MLC1: variants seen among roughly 807,000 people sequenced by gnomAD.
The protein encoded by MLC1 is modulator of VRAC current 1, also known as membrane protein MLC1.
In MLC1, 32 loss-of-function variants were observed where a neutral mutation model predicts 44.7. The observed-to-expected ratio is 0.72, with a 90% confidence interval of 0.54 to 0.96. The LOEUF (loss-of-function observed/expected upper bound fraction) is 0.96. Ranked by LOEUF, MLC1 falls within the 40% of genes least tolerant of loss-of-function variation. The probability of loss-of-function intolerance (pLI) is 0.00; values close to 1 mark genes in which losing one functional copy is unlikely to be tolerated. For missense variants in MLC1, 459 were observed against 492.2 expected (o/e 0.93, Z 0.64); for synonymous variants, 190 against 213.0 (o/e 0.89, Z 0.94).
chr22:50,064,383 T>C lies in MLC1; in HGVS notation c.895-185A>G, dbSNP rs139121589. On this transcript the variant is annotated intron_variant, in intron 10 of 11. Coordinates refer to ENST00000311597, the MANE Select transcript of MLC1 (RefSeq NM_015166.4). The stretch of plus-strand genomic sequence containing the variant: ...AATCATTCTAGCTCAATTAATGAGG[T>C]CAATTCTGCTTTAAATTCCATCAGC... Among the ~76,000 whole-genome samples the C allele has an allele frequency of 7.1e-3, 1,085 of 152,244 alleles. 12 individuals carry two copies. Among genetic ancestry groups the C allele is most frequent in the African/African-American group, 0.025 (1,030 of 41,532 alleles).
chr22:50,061,516 T>C lies in MLC1; in HGVS notation c.*67A>G. The C allele has an allele frequency of 6.7e-7, 1 of 1,496,414 alleles. No homozygotes were observed. The highest frequency in any genetic ancestry group is 9.3e-7 in the Non-Finnish European group (1 of 1,077,566). The allele number at this position is 1,496,414 out of a possible 1,614,324, so 92.7% of individuals were successfully genotyped here. On this transcript the variant is annotated 3_prime_UTR_variant, in exon 12 of 12. Transcript: ENST00000311597. ...GTTAGAAGCAGTAGCTCAGGGCGATTAGGGGTTGTGCGTTTCCATGCTTGG... is the reference window on the plus strand; with the variant it reads ...GTTAGAAGCAGTAGCTCAGGGCGATCAGGGGTTGTGCGTTTCCATGCTTGG...
At chr22:50,071,876 A>AG (rs749835301) in intron 8 of MLC1, among the ~76,000 whole-genome samples, 1 of 151,950 alleles carries the variant, frequency 6.6e-6, no homozygotes, top group African/African-American at 2.4e-5. Flanking sequence ...CCTGCTGGGG[A>AG]GGGGGCTGCA....
chr22:50,080,205 G>T, intron 4 of MLC1, 139 bp downstream of exon 4: 1 of 1,214,484 alleles, frequency 8.2e-7, no homozygotes, highest in Non-Finnish European at 1.2e-6. Flanking sequence ...GAGCTTTACT[G>T]TCTGGGGGGC....
intron 2 of MLC1, among the ~76,000 whole-genome samples, chr22:50,084,150 G>A (rs1315308268): frequency 1.3e-5 from 2 of 152,290 alleles, no homozygotes; most frequent in East Asian, 3.9e-4. Flanking sequence ...CTGAGCAGCT[G>A]CACACACTCA....
At chr22:50,076,808 G>T in intron 7 of MLC1, 33 bp downstream of exon 7, 3 of 1,603,294 alleles carry the variant, frequency 1.9e-6, no homozygotes, top group South Asian at 1.1e-5. Context: ...GACAGAGTAT[G>T]AGAGAAAAGA....
At position 50,064,206 on chromosome 22, in the gene MLC1, C is replaced by T. The variant is rs574334440; in HGVS notation, c.895-8G>A. 1.4e-5 allele frequency: 23 copies of T among 1,589,352 alleles called. No homozygotes were observed. Among genetic ancestry groups the T allele is most frequent in the East Asian group, 9.0e-5 (4 of 44,584 alleles). On this transcript the variant is annotated splice_region_variant and splice_polypyrimidine_tract_variant and intron_variant, in intron 10 of 11. Coordinates refer to ENST00000311597, the MANE Select transcript of MLC1 (RefSeq NM_015166.4). ...CAGCACATCGTAGGATGGCTGCAGGCGGAAGGAGGTGTGAGCAGAGTGGCC... is the reference window on the plus strand; with the variant it reads ...CAGCACATCGTAGGATGGCTGCAGGTGGAAGGAGGTGTGAGCAGAGTGGCC...
At chr22:50,080,536 T>C (rs2062096686) in intron 3 of MLC1, 139 bp from the exon 4 acceptor site, 1 of 925,942 alleles carries the variant, frequency 1.1e-6, no homozygotes, top group South Asian at 1.4e-5. Flanking sequence ...ACACAGTGGG[T>C]TGGCTTGACT....
intron 9 of MLC1, among the ~76,000 whole-genome samples, chr22:50,069,564 T>G (rs1207300558): frequency 6.6e-6 from 1 of 151,988 alleles, no homozygotes; most frequent in Non-Finnish European, 1.5e-5. Context: ...GAGAATCGCT[T>G]GAACCCGGGA....
chr22:50,064,284 C>T (rs1331738978), intron 10 of MLC1, 86 bp from the exon 11 acceptor site: 1 of 1,505,168 alleles, frequency 6.6e-7, no homozygotes, highest in African/African-American at 1.4e-5. Flanking sequence ...ACGGCCTTCA[C>T]AAAGAGCAGG....
intron 10 of MLC1, among the ~76,000 whole-genome samples, chr22:50,067,610 CCATCCCCCATCAGTGACT>C (rs2061737805): frequency 1.1e-5 from 1 of 87,000 alleles, no homozygotes; most frequent in Non-Finnish European, 2.2e-5. Flanking sequence ...GGCAGTGACT[CCATCCCCCATCAGTGACT>C]CCATCCCCCA....
chr22:50,085,275 G>A (rs1406843562), intron 1 of MLC1, 80 bp downstream of exon 1: 49 of 1,052,284 alleles, frequency 4.7e-5, no homozygotes, highest in South Asian at 4.1e-4. Context: ...ACTCAAGCAC[G>A]TTAAACTGCT....
chr22:50,080,071 A>G, intron 4 of MLC1, 52 bp from the exon 5 acceptor site: 1 of 1,416,476 alleles, frequency 7.1e-7, no homozygotes, highest in African/African-American at 1.4e-5. Flanking sequence ...AAAAGAAAAA[A>G]GGTAACAGAT....
intron 2 of MLC1, among the ~76,000 whole-genome samples, chr22:50,084,273 C>T (rs75694705): frequency 0.021 from 3,222 of 152,256 alleles, 100 homozygotes; most frequent in African/African-American, 0.073. Context: ...CAGACCTGTT[C>T]CTTTGTTCCC....
chr22:50,085,737 C>G (rs1016127706), upstream of MLC1: 1 of 152,504 alleles, frequency 6.6e-6, no homozygotes, highest in African/African-American at 2.4e-5. Context: ...TTCCAAGTAG[C>G]CTTTTTCCAT....
intron 5 of MLC1, among the ~76,000 whole-genome samples, chr22:50,079,247 A>G (rs1048558701): frequency 5.9e-5 from 9 of 151,572 alleles, no homozygotes; most frequent in Non-Finnish European, 8.8e-5. Context: ...TGGCGCCACT[A>G]CACTCCAGCC....
Position 50,059,538 on chromosome 22 carries a change from A to G in MLC1, c.*2045T>C, listed in dbSNP as rs1050917375. The stretch of plus-strand genomic sequence containing the variant: ...AAGTGCAAGCCAGCAAAAACGCTCC[A>G]AGTGCCTAATTCTGACTCTGAAACT... On this transcript the variant is annotated 3_prime_UTR_variant, in exon 12 of 12. Transcript: ENST00000311597. 6.6e-6 allele frequency: 1 copy of G among 152,358 alleles called. No individual in the cohort carries two copies. Among genetic ancestry groups the G allele is most frequent in the African/African-American group, 2.4e-5 (1 of 41,450 alleles). 9.4% of individuals were successfully genotyped at this position (152,358 alleles called of 1,614,324 possible). A position where few individuals can be genotyped will look rare whatever the true frequency, so the allele number is the denominator to read the frequency against.
intron 11 of MLC1, among the ~76,000 whole-genome samples, chr22:50,063,127 A>T (rs150452350): frequency 1.8e-4 from 27 of 152,266 alleles, no homozygotes; most frequent in African/African-American, 6.5e-4. Flanking sequence ...TAAGTCCAGA[A>T]TATTTCCCAG....
chr22:50,066,637 G>A (rs548378164), intron 10 of MLC1, among the ~76,000 whole-genome samples: 1 of 151,028 alleles, frequency 6.6e-6, no homozygotes, highest in South Asian at 2.1e-4. Context: ...TCCAGCCTGG[G>A]AGACAGAGTG....
chr22:50,073,401 G>A (rs1292865054), intron 8 of MLC1, among the ~76,000 whole-genome samples: 1 of 152,218 alleles, frequency 6.6e-6, no homozygotes, highest in Non-Finnish European at 1.5e-5. Flanking sequence ...GCTCTGGGTG[G>A]GCTACAGGCT....
Sources: gnomAD v4.1 joint callset for allele counts (sites outside exome capture counted in the v4.1 genomes callset) on GRCh38, gnomAD v4.1.1 for gene constraint, MANE v1.5 for transcripts, NCBI Gene and HGNC (gene_info 2026-07-23, HGNC 2026-07-21) for gene names.